OTULINL: variants seen among roughly 807,000 people sequenced by gnomAD.
OTULINL encodes the protein OTU deubiquitinase with linear linkage specificity like.
In OTULINL, 42 loss-of-function variants were observed where a neutral mutation model predicts 43.9. The observed-to-expected ratio is 0.96, with a 90% confidence interval of 0.75 to 1.24. OTULINL has a LOEUF of 1.24. Ranked by LOEUF, OTULINL falls within the 50% of genes most tolerant of loss-of-function variation. OTULINL has a pLI of 0.00. For synonymous variants in OTULINL, 172 were observed against 153.6 expected (o/e 1.12, Z -0.88); for missense variants, 411 against 426.4 (o/e 0.96, Z 0.32).
intron 1 of OTULINL, among the ~76,000 whole-genome samples, chr5:14,599,397 A>G (rs879433594): frequency 6.6e-6 from 1 of 152,120 alleles, no homozygotes; most frequent in African/African-American, 2.4e-5. Flanking sequence ...CTGAGACAGG[A>G]GAAGCACTTG....
intron 1 of OTULINL, among the ~76,000 whole-genome samples, chr5:14,598,067 G>C (rs1158386382): frequency 6.6e-6 from 1 of 152,166 alleles, no homozygotes; most frequent in East Asian, 1.9e-4. Context: ...AAGAGAGATG[G>C]CCCAGCTTCA....
chr5:14,584,354 T>C (rs1228489729), intron 1 of OTULINL, among the ~76,000 whole-genome samples: 1 of 152,134 alleles, frequency 6.6e-6, no homozygotes, highest in African/African-American at 2.4e-5. Flanking sequence ...TAGGGGCCGG[T>C]GTTGGGGGAA....
chr5:14,605,789 A>G (rs1759464591), intron 5 of OTULINL, among the ~76,000 whole-genome samples: 4 of 152,208 alleles, frequency 2.6e-5, no homozygotes. Flanking sequence ...TCTTTGCTCC[A>G]GTTTCCAAGT....
intron 1 of OTULINL, among the ~76,000 whole-genome samples, chr5:14,594,557 G>A (rs1268890105): frequency 6.6e-6 from 1 of 152,130 alleles, no homozygotes; most frequent in African/African-American, 2.4e-5. Flanking sequence ...TGTGGGCAGG[G>A]ACCGTGTCTT....
chr5:14,592,179 C>CA (rs1759216500), intron 1 of OTULINL, among the ~76,000 whole-genome samples: 1 of 152,106 alleles, frequency 6.6e-6, no homozygotes, highest in African/African-American at 2.4e-5. Flanking sequence ...ACACCCAGGA[C>CA]ATTGTGTTTG....
At position 14,614,175 on chromosome 5, in the gene OTULINL, C is replaced by A. The variant is rs78289187; in HGVS notation, c.*3861C>A. Among the ~76,000 whole-genome samples the A allele has an allele frequency of 7.5e-3, 1,087 of 144,374 alleles. 11 individuals are homozygous for A. Among genetic ancestry groups the A allele is most frequent in the African/African-American group, 0.027 (1,054 of 38,568 alleles). The allele number at this position is 144,374 out of a possible 152,430, so 94.7% of individuals were successfully genotyped here. On this transcript the variant is annotated 3_prime_UTR_variant, in exon 8 of 8. Transcript: ENST00000274217. The stretch of plus-strand genomic sequence containing the variant: ...ATGTTTTTCACACTGCTTAATAAGA[C>A]CAGTTAATGTGTAAAACAGAAAAAA...
Position 14,612,965 on chromosome 5 carries a change from C to T in OTULINL, c.*2651C>T, listed in dbSNP as rs987191634. ...GAGACGGAGTTTCACTCTTTTTGCT[C>T]AGGCTGCAGTGCAGTGGCACAATCT... On this transcript the variant is annotated 3_prime_UTR_variant, in exon 8 of 8. Coordinates refer to ENST00000274217, the MANE Select transcript of OTULINL (RefSeq NM_019018.3). Among the ~76,000 whole-genome samples the T allele has an allele frequency of 4.0e-5, 6 of 151,806 alleles. No individual in the cohort carries two copies. The highest frequency in any genetic ancestry group is 1.5e-4 in the African/African-American group (6 of 41,296).
intron 5 of OTULINL, 80 bp from the exon 6 acceptor site, chr5:14,607,250 T>A: frequency 7.0e-7 from 1 of 1,420,530 alleles, no homozygotes. Flanking sequence ...AAGATAAGGT[T>A]GTGTGCTGTG....
chr5:14,603,359 G>A (rs1759421412), intron 5 of OTULINL, among the ~76,000 whole-genome samples: 1 of 152,192 alleles, frequency 6.6e-6, no homozygotes, highest in Non-Finnish European at 1.5e-5. Flanking sequence ...GAGACTGCCT[G>A]CTTGTATGCT....
rs575475023 is a variant in OTULINL at position 14,605,694 on chromosome 5, A to G, written c.499-1636A>G. ...TTTCTTTCACCAGATACTCTAAATC[A>G]TCTCTCTCAAGTTCAGAGTTCCGTA... On this transcript the variant is annotated intron_variant, in intron 5 of 7. Coordinates refer to ENST00000274217, the MANE Select transcript of OTULINL (RefSeq NM_019018.3). Among the ~76,000 whole-genome samples the G allele has an allele frequency of 6.6e-5, 10 of 152,298 alleles. 1 individual carries two copies. In the East Asian group the frequency reaches 1.7e-3, roughly 26 times the overall value.
intron 1 of OTULINL, among the ~76,000 whole-genome samples, chr5:14,582,410 C>G (rs1759022259): frequency 6.6e-6 from 1 of 152,104 alleles, no homozygotes; most frequent in African/African-American, 2.4e-5. Context: ...GAGGGAGTTG[C>G]GTTTCGCGCC....
At chr5:14,603,046 T>C (rs1356522584) in intron 5 of OTULINL, among the ~76,000 whole-genome samples, 1 of 152,238 alleles carries the variant, frequency 6.6e-6, no homozygotes, top group African/African-American at 2.4e-5. Context: ...ATAGTTTTGC[T>C]TTTTCCAGAA....
chr5:14,600,672 G>GT (rs1759368182), intron 1 of OTULINL, among the ~76,000 whole-genome samples: 1 of 152,116 alleles, frequency 6.6e-6, no homozygotes, highest in Non-Finnish European at 1.5e-5. Context: ...GTAGAGGCAG[G>GT]TTTTGAGTTC....
chr5:14,592,900 G>A (rs1000267043), intron 1 of OTULINL, among the ~76,000 whole-genome samples: 3 of 152,128 alleles, frequency 2.0e-5, no homozygotes, highest in African/African-American at 7.2e-5. Context: ...TGCCTTGCAA[G>A]CCCCTGTCCA....
Position 14,612,928 on chromosome 5 carries a change from ATT to A in OTULINL, c.*2624_*2625del, listed in dbSNP as rs34420993. Among the ~76,000 whole-genome samples, 25 of 150,680 alleles carry A rather than the reference ATT, an allele frequency of 1.7e-4. No individual in the cohort carries two copies. In the South Asian group the frequency reaches 3.8e-3, roughly 23 times the overall value. On this transcript the variant is annotated 3_prime_UTR_variant, in exon 8 of 8. Transcript: ENST00000274217. ...ATAACATATAGTTTATATTTTAACA[ATT>A]TTTTTTTTTGAGACGGAGTTTCACT...
In OTULINL at chr5:14,581,831, C is replaced by A. The variant is rs916412739; in HGVS notation, c.-64C>A. 20 of 1,264,384 alleles carry A rather than the reference C, an allele frequency of 1.6e-5. No individual in the cohort carries two copies. Among genetic ancestry groups the A allele is most frequent in the African/African-American group, 9.5e-5 (6 of 63,308 alleles). 78.3% of individuals were successfully genotyped at this position (1,264,384 alleles called of 1,614,324 possible). A position where few individuals can be genotyped will look rare whatever the true frequency, so the allele number is the denominator to read the frequency against. On this transcript the variant is annotated 5_prime_UTR_variant, in exon 1 of 8. Coordinates refer to ENST00000274217, the MANE Select transcript of OTULINL (RefSeq NM_019018.3). ...AGCCCGGGCGCCGGCGGGCGGCCGT[C>A]GCGTCTGACAGACCACTGCAGACCA...
intron 1 of OTULINL, among the ~76,000 whole-genome samples, chr5:14,594,957 C>G (rs1209789024): frequency 6.6e-6 from 1 of 152,112 alleles, no homozygotes; most frequent in Non-Finnish European, 1.5e-5. Context: ...TCTCTTCCAT[C>G]GTCTGCTAAC....
At chr5:14,593,180 G>A (rs1050009527) in intron 1 of OTULINL, among the ~76,000 whole-genome samples, 2 of 152,082 alleles carry the variant, frequency 1.3e-5, no homozygotes, top group Non-Finnish European at 2.9e-5. Context: ...GATCAAAGTT[G>A]ATCAATAAAG....
intron 1 of OTULINL, among the ~76,000 whole-genome samples, chr5:14,598,106 A>G (rs1309264716): frequency 6.6e-6 from 1 of 152,190 alleles, no homozygotes; most frequent in Non-Finnish European, 1.5e-5. Flanking sequence ...CACAGGGGCT[A>G]GTTGGTAACT....
Sources: gnomAD v4.1 joint callset for allele counts (sites outside exome capture counted in the v4.1 genomes callset) on GRCh38, gnomAD v4.1.1 for gene constraint, MANE v1.5 for transcripts, NCBI Gene and HGNC (gene_info 2026-07-23, HGNC 2026-07-21) for gene names.